Variants in FAM9B observed in about 807,000 individuals in gnomAD.
FAM9B encodes the protein protein FAM9B.
FAM9B carries 18 observed loss-of-function variants against 16.6 expected under a neutral mutation model. The ratio of observed to expected loss-of-function variants is 1.09; its 90% CI spans 0.75 to 1.61. The LOEUF is 1.61. Ranked by LOEUF, FAM9B falls within the 40% of genes most tolerant of loss-of-function variation. The pLI is 0.00. For missense variants in FAM9B, 155 were observed against 136.0 expected, an observed-to-expected ratio of 1.14 and a Z score of -0.70; for synonymous variants, 43 against 42.6, an observed-to-expected ratio of 1.01 and a Z score of -0.03.
At chrX:9,031,854 C>A (rs1015266611) in intron 4 of FAM9B, 15 of 308,740 alleles carry the variant, frequency 4.9e-5, no homozygotes, top group African/African-American at 4.0e-4. Flanking sequence ...CCTCCACTGT[C>A]CTCTAATATC....
At position 9,025,368 on chromosome X, in the gene FAM9B, T is replaced by G; in HGVS notation, c.*41A>C. The G allele has an allele frequency of 2.2e-6, 1 of 450,260 alleles. No individual in the cohort carries two copies. The highest frequency in any genetic ancestry group is 3.6e-6 in the Non-Finnish European group (1 of 277,561). The allele number at this position is 450,260 out of a possible 1,213,427, so 37.1% of individuals were successfully genotyped here. On this transcript the variant is annotated 3_prime_UTR_variant, in exon 9 of 9. Transcript: ENST00000327220. ...AGAGACAACTGGGTAAGTGCCAACT[T>G]TTCCAAAAGCTGTTTCAAAAAAAAA...
rs1460559825 is a variant in FAM9B at position 9,027,926 on chromosome X, C to G, written c.434G>C (p.Arg145Thr). 8.3e-7 allele frequency: 1 copy of G among 1,210,386 alleles called. No individual in the cohort carries two copies. Among genetic ancestry groups the G allele is most frequent in the East Asian group, 3.0e-5 (1 of 33,780 alleles). The change falls in exon 7 of 9, where the codon AGA becomes ACA. Residue 145 changes from arginine to threonine, a missense_variant. Physicochemically the swap from Arg to Thr is moderately conservative, Grantham distance 71. Coordinates refer to ENST00000327220, the MANE Select transcript of FAM9B (RefSeq NM_205849.3). ...TTTCAGCCTCTCTCTCCTAACACTT[C>G]TATATTGTTGCCACTTCTTCTGTTG... ...QEQQKKWQQY[R>T]SVRRERLKEM... is the part of the protein sequence containing the mutation.
intron 4 of FAM9B, 136 bp downstream of exon 4, chrX:9,031,994 T>G: frequency 2.0e-6 from 1 of 495,776 alleles, no homozygotes; most frequent in Middle Eastern, 4.8e-4. Flanking sequence ...TAGATTACAT[T>G]AAATACGTAC....
At chrX:9,030,119 T>TA (rs1178880412) in intron 5 of FAM9B, 142 bp downstream of exon 5, 11 of 1,100,846 alleles carry the variant, frequency 1.0e-5, no homozygotes, top group Non-Finnish European at 1.3e-5. Flanking sequence ...TAAAGAAACT[T>TA]ACCTACTTAG....
At chrX:9,032,102 T>G in intron 4 of FAM9B, 28 bp downstream of exon 4, 2 of 1,190,736 alleles carry the variant, frequency 1.7e-6, no homozygotes, top group Non-Finnish European at 2.3e-6. Flanking sequence ...ACAATTTTCA[T>G]AAACTACAGA....
chrX:9,033,414 G>C, intron 1 of FAM9B: 9 of 927,344 alleles, frequency 9.7e-6, no homozygotes, highest in Non-Finnish European at 1.1e-5. Flanking sequence ...GATCTCCCCA[G>C]CCACCTCTAG....
At chrX:9,025,630 C>T (rs148142009) in intron 7 of FAM9B, 47 bp from the exon 8 acceptor site, 24,359 of 1,000,531 alleles carry the variant, frequency 0.024, 253 homozygotes, top group Non-Finnish European at 0.029. Context: ...CTTTATATCT[C>T]GCATTTTAAA....
rs1234111939 is a variant in FAM9B at position 9,032,426 on chromosome X, T to A, written c.64A>T (p.Asn22Tyr). Reference sequence around the variant, plus strand: ...TCCTCCCTTGTTTCTGTAAAACGGTTTCTTTCCTCACATTCATCACGGACT... The same window carrying A: ...TCCTCCCTTGTTTCTGTAAAACGGTATCTTTCCTCACATTCATCACGGACT... ...DPVRDECEERNRFTETREEDV... is the reference protein window; with the variant it reads ...DPVRDECEERYRFTETREEDV... Residue 22 changes from asparagine (N) to tyrosine (Y), a missense_variant, in exon 3 of 9, where the codon AAC (asparagine) becomes TAC (tyrosine). Asn to Tyr is a moderately radical substitution (Grantham distance 143). Transcript: ENST00000327220. 8 of 1,211,586 alleles carry A rather than the reference T, an allele frequency of 6.6e-6. No individual in the cohort carries two copies. In the South Asian group the frequency reaches 1.4e-4, roughly 21 times the overall value.
At chrX:9,032,913 C>T in intron 2 of FAM9B, 46 bp downstream of exon 2, 1 of 1,202,767 alleles carries the variant, frequency 8.3e-7, no homozygotes, top group South Asian at 1.8e-5. Flanking sequence ...ACAGACCGTC[C>T]TCTTGGGCGT....
intron 7 of FAM9B, 73 bp downstream of exon 7, chrX:9,027,795 G>A: frequency 1.2e-6 from 1 of 849,347 alleles, no homozygotes. Context: ...CATACATTCA[G>A]AAACAAGCAG....
intron 5 of FAM9B, 130 bp downstream of exon 5, chrX:9,030,131 G>A: frequency 8.8e-7 from 1 of 1,132,042 alleles, no homozygotes. Context: ...CCTACTTAGA[G>A]AACAATCAAG....
At chrX:9,027,820 T>C (rs186086043) in intron 7 of FAM9B, 48 bp downstream of exon 7, 6 of 980,946 alleles carry the variant, frequency 6.1e-6, no homozygotes, top group Admixed American at 4.4e-5. Context: ...TCTTCTATTA[T>C]GCACGTGTTG....
In FAM9B at chrX:9,025,561, A is replaced by C. The variant is rs1350749641; in HGVS notation, c.515T>G (p.Leu172Arg). 3 of 1,205,418 alleles carry C rather than the reference A, an allele frequency of 2.5e-6. No individual in the cohort carries two copies. The highest frequency in any genetic ancestry group is 4.4e-5 in the Admixed American group (2 of 45,183). Residue 172 changes from leucine to arginine, a missense_variant, in exon 8 of 9, where the codon CTT becomes CGT. Leu to Arg is a moderately radical substitution (Grantham distance 102). Coordinates refer to ENST00000327220, the MANE Select transcript of FAM9B (RefSeq NM_205849.3). ...FVKALEDFED[L>R]CDRVFSDEDS... ...TTCATCGGAAAAAACTCTGTCACAAAGGTCTTCAAAGTCCTCAAGAGCCTA... is the reference window on the plus strand; with the variant it reads ...TTCATCGGAAAAAACTCTGTCACAACGGTCTTCAAAGTCCTCAAGAGCCTA...
chrX:9,028,000 G>A, intron 6 of FAM9B, 34 bp from the exon 7 acceptor site: 1 of 1,041,066 alleles, frequency 9.6e-7, no homozygotes, highest in Non-Finnish European at 1.3e-6. Context: ...GATAAAAATT[G>A]GGTAAATTTT....
Position 9,030,335 on chromosome X carries a change from CCTTTTT to C in FAM9B, c.201_206del (p.Lys68_Arg69del), listed in dbSNP as rs749059539. On this transcript the variant is annotated inframe_deletion, in exon 5 of 9. Transcript: ENST00000327220. ...TGCTGCAAGTTTTATCCATTTTCAT[CCTTTTT>C]CTTTTTGCAGTAAGATCCTCTTTAA... The C allele has an allele frequency of 2.5e-6, 3 of 1,200,373 alleles. No individual in the cohort carries two copies. In the East Asian group the frequency reaches 9.0e-5, roughly 36 times the overall value.
In FAM9B at chrX:9,029,032, G is replaced by A. The variant is rs962484247; in HGVS notation, c.393+275C>T. ...CAACTCTCCCTCTATCAATCTGCTC[G>A]GCTACACCCCGACCCAGGAAATTCC... On this transcript the variant is annotated intron_variant, in intron 6 of 8. Transcript: ENST00000327220. Among the ~76,000 whole-genome samples, 8 of 111,385 alleles carry A rather than the reference G, an allele frequency of 7.2e-5. No homozygotes were observed. In the South Asian group the frequency reaches 1.5e-3, roughly 21 times the overall value.
At chrX:9,026,803 T>C (rs1203295924) in intron 7 of FAM9B, among the ~76,000 whole-genome samples, 1 of 111,580 alleles carries the variant, frequency 9.0e-6, no homozygotes, top group Non-Finnish European at 1.9e-5. Context: ...ACTACTAGTC[T>C]CATGTTCATA....
intron 5 of FAM9B, 130 bp downstream of exon 5, chrX:9,030,131 G>C (rs776103861): frequency 5.3e-6 from 6 of 1,130,356 alleles, no homozygotes; most frequent in Non-Finnish European, 7.0e-6. Context: ...CCTACTTAGA[G>C]AACAATCAAG....
chrX:9,028,532 C>A lies in FAM9B; in HGVS notation c.394-566G>T, dbSNP rs1172717831. On this transcript the variant is annotated intron_variant, in intron 6 of 8. Coordinates refer to ENST00000327220, the MANE Select transcript of FAM9B (RefSeq NM_205849.3). ...TATTAATAATAGCAATGATAAAGAG[C>A]AACCATGGGTCAGATCACATCCTGA... Among the ~76,000 whole-genome samples the A allele has an allele frequency of 2.7e-5, 3 of 111,163 alleles. No homozygotes were observed. The East Asian group carries it at 8.5e-4, about 31-fold the overall frequency.
Sources: allele counts gnomAD v4.1 joint callset (sites outside exome capture counted in the v4.1 genomes callset), GRCh38; gene constraint gnomAD v4.1.1; transcripts MANE v1.5; gene names NCBI Gene and HGNC (gene_info 2026-07-23, HGNC 2026-07-21).